PLEKHM3: variants seen among roughly 807,000 people sequenced by gnomAD.
PLEKHM3 encodes the protein pleckstrin homology domain-containing family M member 3.
PLEKHM3 carries 45 observed loss-of-function variants against 81.8 expected under a neutral mutation model. The observed-to-expected ratio is 0.55, with a 90% CI of 0.43 to 0.71. The LOEUF (loss-of-function observed/expected upper bound fraction) is 0.71, where lower values mean the gene tolerates loss of function less well. PLEKHM3 is among the 30% of genes least tolerant of loss of function. PLEKHM3 has a pLI of 0.00. For missense variants in PLEKHM3, 788 were observed against 924.3 expected (o/e 0.85, Z 1.91); for synonymous variants, 352 against 356.4 (o/e 0.99, Z 0.14).
intron 6 of PLEKHM3, among the ~76,000 whole-genome samples, chr2:207,883,057 A>G (rs1025659768): frequency 1.3e-5 from 2 of 152,096 alleles, no homozygotes; most frequent in African/African-American, 4.8e-5. Flanking sequence ...TGAACTACAC[A>G]TACTCAACTT....
At chr2:207,948,633 T>A (rs1690225805) in intron 3 of PLEKHM3, among the ~76,000 whole-genome samples, 1 of 151,514 alleles carries the variant, frequency 6.6e-6, no homozygotes, top group Non-Finnish European at 1.5e-5. Flanking sequence ...AACCTCCGCG[T>A]CCCGCGCTCA....
chr2:207,930,774 G>C, intron 5 of PLEKHM3, 152 bp downstream of exon 5: 2 of 807,980 alleles, frequency 2.5e-6, no homozygotes, highest in East Asian at 2.7e-5. Flanking sequence ...AAAAAGATGA[G>C]CCCAGAGAGA....
chr2:208,008,093 T>G (rs1456487680), intron 1 of PLEKHM3, among the ~76,000 whole-genome samples: 1 of 151,208 alleles, frequency 6.6e-6, no homozygotes, highest in Non-Finnish European at 1.5e-5. Context: ...AAAAAATTAG[T>G]CAGGTGTGGT....
chr2:207,878,948 A>T (rs2092572874), intron 6 of PLEKHM3, among the ~76,000 whole-genome samples: 1 of 152,150 alleles, frequency 6.6e-6, no homozygotes, highest in African/African-American at 2.4e-5. Context: ...AGCTAGGGAC[A>T]GCCTCTTTTT....
intron 6 of PLEKHM3, among the ~76,000 whole-genome samples, chr2:207,877,454 TAGG>T (rs1467435253): frequency 6.6e-6 from 1 of 152,176 alleles, no homozygotes; most frequent in African/African-American, 2.4e-5. Flanking sequence ...CAGAATTTTG[TAGG>T]AGTTGTAGAG....
At chr2:208,010,734 T>C (rs1430013767) in intron 1 of PLEKHM3, among the ~76,000 whole-genome samples, 1 of 152,206 alleles carries the variant, frequency 6.6e-6, no homozygotes, top group African/African-American at 2.4e-5. Flanking sequence ...GCTGGGGAAG[T>C]AGACTTAAAG....
intron 5 of PLEKHM3, among the ~76,000 whole-genome samples, chr2:207,912,281 GTATT>G (rs1328559708): frequency 6.6e-6 from 1 of 152,182 alleles, no homozygotes; most frequent in East Asian, 1.9e-4. Flanking sequence ...AAGTGGCTAT[GTATT>G]TATTTAATGT....
intron 3 of PLEKHM3, among the ~76,000 whole-genome samples, chr2:207,955,063 C>T (rs1407272236): frequency 6.6e-6 from 1 of 152,236 alleles, no homozygotes; most frequent in Non-Finnish European, 1.5e-5. Context: ...TAAATATGTA[C>T]ACCATTTTAG....
intron 3 of PLEKHM3, among the ~76,000 whole-genome samples, chr2:207,947,114 G>A (rs1034452863): frequency 6.6e-6 from 1 of 152,000 alleles, no homozygotes; most frequent in Admixed American, 6.6e-5. Context: ...GCCTCTGATT[G>A]GCTCCATCTC....
intron 3 of PLEKHM3, among the ~76,000 whole-genome samples, chr2:207,965,420 G>A (rs1690877899): frequency 1.3e-5 from 2 of 151,198 alleles, no homozygotes; most frequent in South Asian, 2.1e-4. Context: ...GCACAGCTAT[G>A]GCCTATGAAG....
intron 7 of PLEKHM3, among the ~76,000 whole-genome samples, chr2:207,832,807 C>T (rs1025123490): frequency 1.4e-5 from 2 of 143,876 alleles, no homozygotes; most frequent in South Asian, 2.2e-4. Context: ...ACCTCCCCCA[C>T]ACCAGAAAAA....
At chr2:207,948,972 C>A (rs993769981) in intron 3 of PLEKHM3, among the ~76,000 whole-genome samples, 2 of 137,822 alleles carry the variant, frequency 1.5e-5, no homozygotes, top group African/African-American at 5.3e-5. Flanking sequence ...CCACCATGCC[C>A]GGTCCAGATC....
chr2:207,984,669 CT>C (rs1329747683), intron 2 of PLEKHM3, among the ~76,000 whole-genome samples: 1 of 152,246 alleles, frequency 6.6e-6, no homozygotes, highest in Non-Finnish European at 1.5e-5. Context: ...GCATGAGCCA[CT>C]GCGCCTGGGC....
At chr2:207,966,159 T>G (rs1483630494) in intron 3 of PLEKHM3, among the ~76,000 whole-genome samples, 4 of 152,278 alleles carry the variant, frequency 2.6e-5, no homozygotes, top group Non-Finnish European at 4.4e-5. Flanking sequence ...TTGTTCACTC[T>G]GCAGAAAGCA....
chr2:208,010,382 A>G (rs548138591), intron 1 of PLEKHM3, among the ~76,000 whole-genome samples: 1 of 152,374 alleles, frequency 6.6e-6, no homozygotes, highest in South Asian at 2.1e-4. Flanking sequence ...CAGAGATCCA[A>G]TATGTCTTGC....
At chr2:207,883,796 A>G (rs1029536997) in intron 6 of PLEKHM3, among the ~76,000 whole-genome samples, 10 of 152,196 alleles carry the variant, frequency 6.6e-5, no homozygotes, top group African/African-American at 2.4e-4. Context: ...AAATACCCTC[A>G]ACAAAATACT....
chr2:208,018,433 T>A (rs1044768299), intron 1 of PLEKHM3, among the ~76,000 whole-genome samples: 2 of 151,280 alleles, frequency 1.3e-5, no homozygotes, highest in African/African-American at 4.9e-5. Context: ...TCAAGCTCTA[T>A]ATCTGCATAT....
intron 6 of PLEKHM3, among the ~76,000 whole-genome samples, chr2:207,905,878 C>G (rs539689930): frequency 6.6e-6 from 1 of 151,958 alleles, no homozygotes; most frequent in South Asian, 2.1e-4. Context: ...AATACCCCTG[C>G]CACTGATTTA....
At chr2:207,961,756 C>G (rs1278734402) in intron 3 of PLEKHM3, among the ~76,000 whole-genome samples, 2 of 152,148 alleles carry the variant, frequency 1.3e-5, no homozygotes, top group Non-Finnish European at 2.9e-5. Flanking sequence ...AGTTTCTCGT[C>G]TGCTTGGTCC....
Sources: allele counts gnomAD v4.1 joint callset (sites outside exome capture counted in the v4.1 genomes callset), GRCh38; gene constraint gnomAD v4.1.1; transcripts MANE v1.5; gene names NCBI Gene and HGNC (gene_info 2026-07-23, HGNC 2026-07-21).